The following FYB2 variants were observed in gnomAD, a reference collection of about 807,000 sequenced individuals.
FYB2 encodes FYN-binding protein 2.
A neutral mutation model predicts 94.1 loss-of-function variants in FYB2; 103 were observed. The ratio of observed to expected loss-of-function variants is 1.09; its 90% CI spans 0.93 to 1.29. The LOEUF (loss-of-function observed/expected upper bound fraction) is 1.29. FYB2 is among the 50% of genes most tolerant of loss of function. FYB2 has a pLI of 0.00. For synonymous variants in FYB2, 293 were observed against 287.9 expected (o/e 1.02, Z -0.18); for missense variants, 896 against 841.5 (o/e 1.06, Z -0.80).
chr1:56,721,514 A>G (rs1311513162), intron 17 of FYB2, among the ~76,000 whole-genome samples: 1 of 151,998 alleles, frequency 6.6e-6, no homozygotes, highest in East Asian at 1.9e-4. Context: ...TTTACAGGCC[A>G]TTACTCACTG....
intron 3 of FYB2, 61 bp from the exon 4 acceptor site, chr1:56,787,269 G>T (rs1204474460): frequency 6.3e-6 from 10 of 1,586,024 alleles, no homozygotes; most frequent in Non-Finnish European, 8.7e-6. Flanking sequence ...TAAAGTGAAT[G>T]ATGCTTGTGT....
rs796427651 is a variant in FYB2 at position 56,776,184 on chromosome 1, G to T, written c.954-8246C>A. ...AATGAAGCACCAGACGATGGTGAAG[G>T]TCAAGGAGCCTGTGAGTGGGCTTTG... is the stretch of plus-strand genomic sequence containing the variant. On this transcript the variant is annotated intron_variant, in intron 4 of 19. Coordinates refer to ENST00000343433, the MANE Select transcript of FYB2 (RefSeq NM_001004303.5). Among the ~76,000 whole-genome samples the T allele has an allele frequency of 3.9e-5, 6 of 152,212 alleles. 1 individual carries two copies. Among genetic ancestry groups the T allele is most frequent in the African/African-American group, 1.4e-4 (6 of 41,554 alleles).
chr1:56,755,173 C>G (rs1473556469), intron 7 of FYB2, among the ~76,000 whole-genome samples: 2 of 152,060 alleles, frequency 1.3e-5, no homozygotes, highest in African/African-American at 2.4e-5. Context: ...CCTCTGGACC[C>G]AAGAAGTGTG....
chr1:56,783,056 A>G (rs1249028249), intron 4 of FYB2, among the ~76,000 whole-genome samples: 1 of 152,212 alleles, frequency 6.6e-6, no homozygotes, highest in Non-Finnish European at 1.5e-5. Flanking sequence ...ATGACAAAGA[A>G]TAATCTCCAA....
At chr1:56,768,739 C>A (rs1462476600) in intron 4 of FYB2, among the ~76,000 whole-genome samples, 1 of 152,094 alleles carries the variant, frequency 6.6e-6, no homozygotes, top group African/African-American at 2.4e-5. Context: ...GAAAATCACA[C>A]AAGGAGATGA....
intron 3 of FYB2, among the ~76,000 whole-genome samples, chr1:56,788,592 T>C (rs1646184113): frequency 6.6e-6 from 1 of 152,164 alleles, no homozygotes. Context: ...TCAGGTCAAG[T>C]TCACACTGAC....
At chr1:56,823,195 G>A (rs1227958321), upstream of FYB2, among the ~76,000 whole-genome samples, 3 of 152,234 alleles carry the variant, frequency 2.0e-5, no homozygotes, top group East Asian at 1.9e-4. Flanking sequence ...CTGGCCATGC[G>A]GAGAGTACAG....
In FYB2 at chr1:56,740,714, C is replaced by T; in HGVS notation, c.1686G>A (p.Lys562=). ...CTTTTTACCTTAAGTTTTCTTTCGA[C>T]TTGGTTTTCTTTATTTTAAATCTAT... is the stretch of plus-strand genomic sequence containing the variant. The part of the protein sequence containing the change: ...EKDRFKIKKT[K]SKENLSAFSI... Residue 562 remains lysine (K), a synonymous_variant, in exon 13 of 20, where the codon AAG becomes AAA. Transcript: ENST00000343433. The T allele has an allele frequency of 6.2e-7, 1 of 1,601,282 alleles. No individual in the cohort carries two copies. Among genetic ancestry groups the T allele is most frequent in the Non-Finnish European group, 8.5e-7 (1 of 1,171,730 alleles).
At chr1:56,753,102 T>C (rs1280301126) in intron 8 of FYB2, among the ~76,000 whole-genome samples, 4 of 152,084 alleles carry the variant, frequency 2.6e-5, no homozygotes, top group Admixed American at 2.6e-4. Flanking sequence ...GCCAACATGC[T>C]GTTTGACTTA....
chr1:56,731,715 C>T (rs1371980798), intron 15 of FYB2, among the ~76,000 whole-genome samples: 2 of 152,030 alleles, frequency 1.3e-5, no homozygotes, highest in East Asian at 3.9e-4. Flanking sequence ...AAATGTGAAA[C>T]ATCACTGCAA....
rs771142081 is a variant in FYB2, at chr1:56,792,295, T to G, written c.518A>C (p.Lys173Thr). Residue 173 changes from lysine to threonine, a missense_variant, in exon 2 of 20, where the codon AAA (lysine) becomes ACA (threonine). Lys to Thr is a moderately conservative substitution (Grantham distance 78). Coordinates refer to ENST00000343433, the MANE Select transcript of FYB2 (RefSeq NM_001004303.5). ...TTCCTCTGGAGTAAGCCCCATGCCT[T>G]TTTGCCCTTCCAGATGGATGGCCTT... ...GSKAIHLEGQ[K>T]GMGLTPEEPR... is the part of the protein sequence containing the mutation. The G allele has an allele frequency of 1.2e-6, 2 of 1,614,082 alleles. No individual in the cohort carries two copies. Among genetic ancestry groups the G allele is most frequent in the Non-Finnish European group, 1.7e-6 (2 of 1,179,988 alleles).
At chr1:56,787,096 C>A (rs940498598) in intron 4 of FYB2, 79 bp downstream of exon 4, 7 of 1,480,938 alleles carry the variant, frequency 4.7e-6, no homozygotes, top group Non-Finnish European at 6.6e-6. Context: ...TTGGTTTGTG[C>A]TAATTGCCTG....
intron 15 of FYB2, among the ~76,000 whole-genome samples, chr1:56,736,214 A>C (rs1330130328): frequency 1.3e-5 from 2 of 152,122 alleles, no homozygotes; most frequent in African/African-American, 4.8e-5. Context: ...AGACAAATAA[A>C]GGCTTAAAAG....
intron 9 of FYB2, 65 bp from the exon 10 acceptor site, chr1:56,744,331 C>G: frequency 8.4e-6 from 10 of 1,186,228 alleles, no homozygotes; most frequent in Non-Finnish European, 1.2e-5. Context: ...CATTCACACA[C>G]ATCACTGGCA....
chr1:56,737,333 G>A, intron 14 of FYB2, 186 bp from the exon 15 acceptor site: 1 of 426,540 alleles, frequency 2.3e-6, no homozygotes, highest in Non-Finnish European at 4.1e-6. Flanking sequence ...TATTTGGGAA[G>A]AAATTCAACT....
chr1:56,762,580 TC>T (rs1345113896), intron 5 of FYB2, among the ~76,000 whole-genome samples: 1 of 152,250 alleles, frequency 6.6e-6, no homozygotes, highest in Non-Finnish European at 1.5e-5. Flanking sequence ...TTATTTTGTA[TC>T]CTACAATCTT....
intron 4 of FYB2, among the ~76,000 whole-genome samples, chr1:56,772,347 C>A (rs1436952969): frequency 6.6e-6 from 1 of 152,076 alleles, no homozygotes; most frequent in Admixed American, 6.6e-5. Flanking sequence ...ATTGTCTTTG[C>A]AGAGAATCAG....
intron 5 of FYB2, among the ~76,000 whole-genome samples, chr1:56,765,231 G>A (rs570071087): frequency 6.6e-6 from 1 of 152,266 alleles, no homozygotes; most frequent in Admixed American, 6.5e-5. Context: ...CAAGGAGAGG[G>A]TGGCCTTCTT....
chr1:56,803,466 G>T (rs576935069), intron 1 of FYB2, among the ~76,000 whole-genome samples: 1 of 152,236 alleles, frequency 6.6e-6, no homozygotes, highest in Non-Finnish European at 1.5e-5. Flanking sequence ...CATAATCAAT[G>T]GTAGCTGGAC....
Sources: gnomAD v4.1 joint callset for allele counts (sites outside exome capture counted in the v4.1 genomes callset) on GRCh38, gnomAD v4.1.1 for gene constraint, MANE v1.5 for transcripts, NCBI Gene and HGNC (gene_info 2026-07-23, HGNC 2026-07-21) for gene names.